Variants in KCNK10 observed in about 807,000 individuals in gnomAD.
KCNK10 encodes potassium two pore domain channel subfamily K member 10, also known as potassium channel subfamily K member 10.
Under a neutral mutation model 47.7 loss-of-function variants are expected in KCNK10, and 25 were observed. The ratio of observed to expected loss-of-function variants is 0.52; its 90% CI spans 0.38 to 0.73. The LOEUF is 0.73. Ranked by LOEUF, KCNK10 falls within the 30% of genes least tolerant of loss-of-function variation. The pLI, the probability that KCNK10 is intolerant of heterozygous loss-of-function variation, is 0.00. For synonymous variants in KCNK10, 303 were observed against 285.6 expected, an observed-to-expected ratio of 1.06 and a Z score of -0.61; for missense variants, 563 against 714.5, an observed-to-expected ratio of 0.79 and a Z score of 2.42.
chr14:88,314,922 G>A (rs945328157), intron 1 of KCNK10, among the ~76,000 whole-genome samples: 3 of 152,178 alleles, frequency 2.0e-5, no homozygotes, highest in Non-Finnish European at 4.4e-5. Context: ...ATGAAGCAAT[G>A]TTCCCAAATC....
At position 88,200,213 on chromosome 14, in the gene KCNK10, C is replaced by T. The variant is rs145088995; in HGVS notation, c.682-7803G>A. On this transcript the variant is annotated intron_variant, in intron 4 of 6. Transcript: ENST00000319231. ...CTTTTAATGTAAGCATCTAGGGATGCTTGTCCACATAAAACTATAAATAAT... is the reference window on the plus strand; with the variant it reads ...CTTTTAATGTAAGCATCTAGGGATGTTTGTCCACATAAAACTATAAATAAT... Among the ~76,000 whole-genome samples the T allele has an allele frequency of 7.3e-3, 1,103 of 151,404 alleles. 9 individuals are homozygous for T. The highest frequency in any genetic ancestry group is 0.012 in the Non-Finnish European group (818 of 67,876).
intron 4 of KCNK10, among the ~76,000 whole-genome samples, chr14:88,223,614 C>T (rs932212180): frequency 2.6e-5 from 4 of 152,124 alleles, no homozygotes; most frequent in East Asian, 3.9e-4. Context: ...CTCCCTTTGG[C>T]GAGTTCTTTT....
At chr14:88,196,883 T>C (rs1166789100) in intron 4 of KCNK10, among the ~76,000 whole-genome samples, 1 of 152,252 alleles carries the variant, frequency 6.6e-6, no homozygotes, top group Non-Finnish European at 1.5e-5. Flanking sequence ...GGTTCACTTA[T>C]AACTAATAAT....
At chr14:88,232,485 TG>T (rs1255126910) in intron 3 of KCNK10, among the ~76,000 whole-genome samples, 1 of 152,210 alleles carries the variant, frequency 6.6e-6, no homozygotes, top group Non-Finnish European at 1.5e-5. Context: ...ACTAAGTAAC[TG>T]GAAAAACAAT....
intron 4 of KCNK10, among the ~76,000 whole-genome samples, chr14:88,202,054 AT>A (rs781194183): frequency 7.2e-5 from 11 of 152,250 alleles, no homozygotes; most frequent in Non-Finnish European, 1.3e-4. Flanking sequence ...AGAGATATGC[AT>A]GAACAGTTTG....
rs560333125 is a variant in KCNK10, at chr14:88,273,266, C to T, written c.53-9715G>A. ...AGGAAAAGGGGAGAACTGGGCTGGG[C>T]GTCAGCATCAGAGATGGTAGATCTT... is the stretch of plus-strand genomic sequence containing the variant. On this transcript the variant is annotated intron_variant, in intron 1 of 6. Transcript: ENST00000319231. Among the ~76,000 whole-genome samples, 17 of 152,216 alleles carry T rather than the reference C, an allele frequency of 1.1e-4. No homozygotes were observed. The South Asian group carries it at 2.7e-3, about 24-fold the overall frequency.
intron 2 of KCNK10, among the ~76,000 whole-genome samples, chr14:88,244,625 G>A (rs1283568153): frequency 2.0e-5 from 3 of 151,896 alleles, no homozygotes; most frequent in South Asian, 2.1e-4. Context: ...CCGAGATCGC[G>A]CTACTGCACT....
chr14:88,191,034 C>G (rs2139826130), intron 5 of KCNK10, among the ~76,000 whole-genome samples: 1 of 152,192 alleles, frequency 6.6e-6, no homozygotes, highest in South Asian at 2.1e-4. Context: ...CCCAACAGAT[C>G]AAGACCAGCT....
intron 2 of KCNK10, among the ~76,000 whole-genome samples, chr14:88,253,253 C>T (rs926336923): frequency 1.3e-5 from 2 of 152,046 alleles, no homozygotes; most frequent in Admixed American, 6.6e-5. Context: ...ATTTGTTAAA[C>T]AGGACATAAT....
chr14:88,240,737 G>A lies in KCNK10; in HGVS notation c.486C>T (p.Ala162=). The change falls in exon 3 of 7, where the codon GCC becomes GCT. Residue 162 remains alanine (A), a synonymous_variant. Transcript: ENST00000319231. ...TAATGACAGTTCCAGCAAAGAAAAA[G>A]GCACTGCCGAGGTCCCAGTGGCTGC... ...NNSSHWDLGS[A]FFFAGTVITT... 6.8e-6 allele frequency: 11 copies of A among 1,613,560 alleles called. No homozygotes were observed. The highest frequency in any genetic ancestry group is 9.3e-6 in the Non-Finnish European group (11 of 1,179,510).
intron 2 of KCNK10, among the ~76,000 whole-genome samples, chr14:88,257,703 T>TC (rs1259674121): frequency 1.3e-5 from 2 of 152,214 alleles, no homozygotes; most frequent in Admixed American, 6.5e-5. Context: ...CCAAAGATTA[T>TC]CCTCACAGAA....
At chr14:88,274,953 C>G (rs2139766515) in intron 1 of KCNK10, among the ~76,000 whole-genome samples, 1 of 152,264 alleles carries the variant, frequency 6.6e-6, no homozygotes, top group South Asian at 2.1e-4. Flanking sequence ...TCTCAGCCTC[C>G]TCCCCTCTGA....
In KCNK10 at chr14:88,263,496, T is replaced by G. The variant is rs758701563; in HGVS notation, c.108A>C (p.Gln36His). ...VCQPKSATNG[Q>H]PPAPAPTPTP... ...TTGGAGTCGGAGCCGGAGCCGGGGG[T>G]TGCCCGTTAGTGGCGCTCTTGGGCT... is the stretch of plus-strand genomic sequence containing the variant. Residue 36 changes from glutamine to histidine, a missense_variant, in exon 2 of 7, where the codon CAA becomes CAC. Transcript: ENST00000319231. 6.2e-7 allele frequency: 1 copy of G among 1,613,258 alleles called. No homozygotes were observed. Among genetic ancestry groups the G allele is most frequent in the South Asian group, 1.1e-5 (1 of 91,048 alleles).
intron 3 of KCNK10, 69 bp from the exon 4 acceptor site, chr14:88,227,604 CT>C: frequency 6.8e-7 from 1 of 1,460,242 alleles, no homozygotes; most frequent in East Asian, 2.3e-5. Flanking sequence ...AACTCACAGA[CT>C]TTTTTAAAAG....
intron 2 of KCNK10, among the ~76,000 whole-genome samples, chr14:88,257,392 C>T (rs1324927608): frequency 6.6e-6 from 1 of 152,230 alleles, no homozygotes. Context: ...CAGTTCAAGC[C>T]ATTCTGATCA....
intron 1 of KCNK10, among the ~76,000 whole-genome samples, chr14:88,311,982 G>T (rs1407251499): frequency 6.6e-6 from 1 of 152,068 alleles, no homozygotes; most frequent in Non-Finnish European, 1.5e-5. Flanking sequence ...ATCAGTGCTG[G>T]CTCCTGAATG....
chr14:88,290,812 G>A (rs1235175208), intron 1 of KCNK10, among the ~76,000 whole-genome samples: 3 of 152,210 alleles, frequency 2.0e-5, no homozygotes, highest in African/African-American at 7.2e-5. Context: ...AATTATTTCT[G>A]CAGGTCATGC....
chr14:88,211,587 G>A (rs1566687094), intron 4 of KCNK10, among the ~76,000 whole-genome samples: 2 of 152,096 alleles, frequency 1.3e-5, no homozygotes, highest in Admixed American at 1.3e-4. Flanking sequence ...CCAACTCCTG[G>A]GAGTAACTTA....
intron 2 of KCNK10, among the ~76,000 whole-genome samples, chr14:88,256,514 A>G (rs888952123): frequency 3.3e-5 from 5 of 152,092 alleles, no homozygotes; most frequent in African/African-American, 1.2e-4. Flanking sequence ...GACATTCTAG[A>G]TGCCCACAGT....
Sources: gnomAD v4.1 joint callset for allele counts (sites outside exome capture counted in the v4.1 genomes callset) on GRCh38, gnomAD v4.1.1 for gene constraint, MANE v1.5 for transcripts, NCBI Gene and HGNC (gene_info 2026-07-23, HGNC 2026-07-21) for gene names.